The following CACNB4 variants were observed in gnomAD, a reference collection of about 807,000 sequenced individuals.
The protein encoded by CACNB4 is voltage-dependent L-type calcium channel subunit beta-4.
A neutral mutation model predicts 71.2 loss-of-function variants in CACNB4; 32 were observed. The observed-to-expected ratio is 0.45, with a 90% CI of 0.34 to 0.60. The LOEUF is 0.60. CACNB4 is among the 20% of genes least tolerant of loss of function. The pLI, the probability that CACNB4 is intolerant of heterozygous loss-of-function variation, is 0.01. For synonymous variants in CACNB4, 231 were observed against 236.9 expected, an observed-to-expected ratio of 0.97 and a Z score of 0.23; for missense variants, 464 against 647.9, an observed-to-expected ratio of 0.72 and a Z score of 3.08.
chr2:151,882,497 C>A (rs977342493), intron 3 of CACNB4, among the ~76,000 whole-genome samples: 2 of 152,042 alleles, frequency 1.3e-5, no homozygotes, highest in Admixed American at 1.3e-4. Flanking sequence ...GAGGACAGGC[C>A]GGCCATGACC....
intron 2 of CACNB4, among the ~76,000 whole-genome samples, chr2:151,904,020 C>T (rs1186118001): frequency 1.3e-5 from 2 of 152,176 alleles, no homozygotes; most frequent in Non-Finnish European, 2.9e-5. Context: ...GGATGGGACT[C>T]ATATTTCTTT....
chr2:152,059,885 G>A (rs1224800077), intron 2 of CACNB4, among the ~76,000 whole-genome samples: 1 of 152,152 alleles, frequency 6.6e-6, no homozygotes, highest in African/African-American at 2.4e-5. Flanking sequence ...CTTGGGGGTG[G>A]TTCCCCCATG....
intron 2 of CACNB4, among the ~76,000 whole-genome samples, chr2:152,004,153 C>T (rs1682587218): frequency 6.6e-6 from 1 of 152,118 alleles, no homozygotes; most frequent in Admixed American, 6.5e-5. Context: ...TTTGTAGGTA[C>T]CTGAAGAACA....
At chr2:152,041,717 T>TA (rs1349962450) in intron 2 of CACNB4, among the ~76,000 whole-genome samples, 5 of 152,126 alleles carry the variant, frequency 3.3e-5, no homozygotes, top group African/African-American at 4.8e-5. Flanking sequence ...AAAACTGAAT[T>TA]AAAAAAACGG....
chr2:151,981,032 A>T (rs1457015249), intron 2 of CACNB4, among the ~76,000 whole-genome samples: 1 of 151,294 alleles, frequency 6.6e-6, no homozygotes, highest in Non-Finnish European at 1.5e-5. Flanking sequence ...CTATTTGGTG[A>T]ACTCATTCCT....
chr2:151,862,638 T>C (rs548297618), intron 9 of CACNB4, among the ~76,000 whole-genome samples: 1 of 152,300 alleles, frequency 6.6e-6, no homozygotes, highest in Admixed American at 6.5e-5. Flanking sequence ...ATTGGGGCTT[T>C]ATATATGATT....
At chr2:151,893,157 T>C (rs2099851161) in intron 2 of CACNB4, among the ~76,000 whole-genome samples, 1 of 152,046 alleles carries the variant, frequency 6.6e-6, no homozygotes, top group South Asian at 2.1e-4. Context: ...TAGGAAACAC[T>C]GCAAATCAAT....
chr2:151,851,899 G>A (rs1376209696), intron 12 of CACNB4: 1 of 152,178 alleles, frequency 6.6e-6, no homozygotes, highest in Admixed American at 6.5e-5. Context: ...AACATTAGAA[G>A]GTCAGGGCTG....
intron 2 of CACNB4, among the ~76,000 whole-genome samples, chr2:151,998,483 CCTTAA>C (rs1336308975): frequency 6.6e-6 from 1 of 152,168 alleles, no homozygotes; most frequent in African/African-American, 2.4e-5. Flanking sequence ...CCCTGAACTT[CCTTAA>C]CTTCTCAGAA....
At chr2:151,928,545 T>C (rs1024400426) in intron 2 of CACNB4, among the ~76,000 whole-genome samples, 9 of 152,174 alleles carry the variant, frequency 5.9e-5, no homozygotes, top group Non-Finnish European at 1.5e-5. Flanking sequence ...AGAAACTGAG[T>C]TGCCCAAGTA....
chr2:152,054,118 A>G (rs1436502035), intron 2 of CACNB4, among the ~76,000 whole-genome samples: 4 of 152,100 alleles, frequency 2.6e-5, no homozygotes, highest in African/African-American at 9.7e-5. Context: ...CTGTAATCCC[A>G]GCACTTTGGG....
chr2:152,042,318 C>T (rs896197867), intron 2 of CACNB4, among the ~76,000 whole-genome samples: 1 of 152,234 alleles, frequency 6.6e-6, no homozygotes, highest in Non-Finnish European at 1.5e-5. Flanking sequence ...TTCCTTTCAT[C>T]CGTCTGCTCC....
At chr2:152,053,546 C>T (rs929215338) in intron 2 of CACNB4, among the ~76,000 whole-genome samples, 14 of 119,296 alleles carry the variant, frequency 1.2e-4, no homozygotes, top group African/African-American at 4.3e-4. Context: ...TTTTTTGAAA[C>T]AAGGTCTTGC....
chr2:151,848,680 A>C (rs547376682), intron 12 of CACNB4, among the ~76,000 whole-genome samples: 1 of 152,334 alleles, frequency 6.6e-6, no homozygotes, highest in Admixed American at 6.5e-5. Context: ...CCTCTCCCAG[A>C]AGGAGTGATC....
intron 2 of CACNB4, among the ~76,000 whole-genome samples, chr2:151,888,190 T>G (rs558312614): frequency 6.6e-6 from 1 of 152,300 alleles, no homozygotes; most frequent in East Asian, 1.9e-4. Context: ...ACTTTCTCAC[T>G]GTATAAGTAA....
rs750545430 is a variant in CACNB4, at chr2:151,897,280, CTGT to C, written c.148-13913_148-13911del. 9.2e-5 allele frequency among the ~76,000 whole-genome samples: 14 copies of C among 152,272 alleles called. 1 individual carries two copies. The South Asian group carries it at 2.9e-3, about 32-fold the overall frequency. Reference sequence around the variant, plus strand: ...ATGATCTCTAAGATTCCTCTGAGGTCTGTTGTTAAAGATGTCAGCCTAGTGCCA... The same window carrying C: ...ATGATCTCTAAGATTCCTCTGAGGTCTGTTAAAGATGTCAGCCTAGTGCCA... On this transcript the variant is annotated intron_variant, in intron 2 of 13. Coordinates refer to ENST00000539935, the MANE Select transcript of CACNB4 (RefSeq NM_000726.5).
intron 2 of CACNB4, among the ~76,000 whole-genome samples, chr2:151,925,392 G>GGTCCTAAA (rs2099859971): frequency 6.6e-6 from 1 of 152,120 alleles, no homozygotes; most frequent in Non-Finnish European, 1.5e-5. Flanking sequence ...TTAAAAGTAA[G>GGTCCTAAA]GTCCTAAAGT....
At chr2:151,912,670 G>A (rs1212798797) in intron 2 of CACNB4, among the ~76,000 whole-genome samples, 1 of 152,134 alleles carries the variant, frequency 6.6e-6, no homozygotes, top group Non-Finnish European at 1.5e-5. Context: ...TTCTGTAGAT[G>A]TCTACTAGGT....
intron 2 of CACNB4, among the ~76,000 whole-genome samples, chr2:152,053,484 T>C (rs1057496139): frequency 3.9e-5 from 6 of 151,904 alleles, no homozygotes; most frequent in Non-Finnish European, 8.8e-5. Context: ...AACCAGTAAA[T>C]GTAAGTGTTT....
Sources: allele counts gnomAD v4.1 joint callset (sites outside exome capture counted in the v4.1 genomes callset), GRCh38; gene constraint gnomAD v4.1.1; transcripts MANE v1.5; gene names NCBI Gene and HGNC (gene_info 2026-07-23, HGNC 2026-07-21).